Variants in CNOT1 observed in about 807,000 individuals in gnomAD.
CNOT1 encodes the protein CCR4-NOT transcription complex subunit 1, also known as CCR4-associated factor 1.
In CNOT1, 15 loss-of-function variants were observed where a neutral mutation model predicts 273.8. The ratio of observed to expected loss-of-function variants is 0.05; its 90% confidence interval spans 0.04 to 0.08. The LOEUF (loss-of-function observed/expected upper bound fraction) is 0.08. Among genes scored for constraint, CNOT1 ranks in the 10% least tolerant of loss-of-function variants. The probability of loss-of-function intolerance (pLI) is 1.00; values close to 1 mark genes in which losing one functional copy is unlikely to be tolerated. For synonymous variants in CNOT1, 1,022 were observed against 1,005.5 expected, an observed-to-expected ratio of 1.02 and a Z score of -0.31; for missense variants, 1,644 against 2,912.2, an observed-to-expected ratio of 0.56 and a Z score of 10.02.
intron 1 of CNOT1, among the ~76,000 whole-genome samples, chr16:58,604,841 A>C (rs1373320404): frequency 6.7e-6 from 1 of 150,238 alleles, no homozygotes; most frequent in Non-Finnish European, 1.5e-5. Flanking sequence ...AAAAAAAAAA[A>C]AAAACCACAC....
intron 1 of CNOT1, among the ~76,000 whole-genome samples, chr16:58,599,891 C>T (rs993063887): frequency 2.0e-5 from 3 of 151,970 alleles, no homozygotes; most frequent in Admixed American, 6.6e-5. Flanking sequence ...TGGTGAAACC[C>T]GTCTCTACTG....
intron 34 of CNOT1, among the ~76,000 whole-genome samples, chr16:58,541,067 T>C (rs984024145): frequency 3.9e-5 from 6 of 152,060 alleles, no homozygotes; most frequent in Non-Finnish European, 7.4e-5. Context: ...TAGCTGAGCA[T>C]GGTGGCACAC....
chr16:58,603,408 A>AGT (rs200088613), intron 1 of CNOT1, among the ~76,000 whole-genome samples: 2,687 of 96,518 alleles, frequency 0.028, 45 homozygotes, highest in Admixed American at 0.035. Context: ...ACAATTTAAA[A>AGT]GTGTGTGTGT....
chr16:58,626,145 C>T (rs865831992), intron 1 of CNOT1, among the ~76,000 whole-genome samples: 1 of 152,070 alleles, frequency 6.6e-6, no homozygotes, highest in Non-Finnish European at 1.5e-5. Flanking sequence ...CTATGGCTCA[C>T]GCCTGTAATC....
intron 16 of CNOT1, among the ~76,000 whole-genome samples, chr16:58,570,960 G>C (rs1044149483): frequency 6.6e-6 from 1 of 152,050 alleles, no homozygotes; most frequent in South Asian, 2.1e-4. Flanking sequence ...CAGCAAAAGA[G>C]CCCTATATTA....
intron 1 of CNOT1, among the ~76,000 whole-genome samples, chr16:58,609,866 T>A (rs1040208712): frequency 6.7e-6 from 1 of 150,198 alleles, no homozygotes; most frequent in African/African-American, 2.4e-5. Context: ...TCATATTATA[T>A]ATAATAATAC....
chr16:58,610,254 C>T (rs1054819101), intron 1 of CNOT1, among the ~76,000 whole-genome samples: 2 of 152,176 alleles, frequency 1.3e-5, no homozygotes, highest in African/African-American at 4.8e-5. Flanking sequence ...CCCATCTCTA[C>T]TAAAAATACA....
intron 19 of CNOT1, 70 bp from the exon 20 acceptor site, chr16:58,555,978 G>T: frequency 6.3e-7 from 1 of 1,585,782 alleles, no homozygotes; most frequent in South Asian, 1.1e-5. Context: ...AACACAGCCA[G>T]CCAGAGACTA....
chr16:58,565,390 C>A (rs921668603), intron 16 of CNOT1, among the ~76,000 whole-genome samples: 4 of 152,166 alleles, frequency 2.6e-5, no homozygotes, highest in African/African-American at 9.7e-5. Context: ...GCTGGAGTTA[C>A]AAGTGTAAGC....
chr16:58,529,054 A>C (rs2039690027), intron 43 of CNOT1, among the ~76,000 whole-genome samples: 1 of 152,142 alleles, frequency 6.6e-6, no homozygotes, highest in Non-Finnish European at 1.5e-5. Flanking sequence ...TATTAGAAAA[A>C]ATAAATTGAT....
intron 29 of CNOT1, among the ~76,000 whole-genome samples, chr16:58,546,071 G>C (rs1197287588): frequency 6.6e-6 from 1 of 151,948 alleles, no homozygotes; most frequent in Non-Finnish European, 1.5e-5. Flanking sequence ...GCCTAGCTGG[G>C]GTATGAGAGG....
rs184660345 is a variant in CNOT1 at position 58,523,548 on chromosome 16, A to T, written c.6785-46T>A. The T allele has an allele frequency of 1.4e-5, 22 of 1,593,814 alleles. No homozygotes were observed. In the South Asian group the frequency reaches 2.1e-4, roughly 15 times the overall value. On this transcript the variant is annotated intron_variant, in intron 46 of 48. Coordinates refer to ENST00000317147, the MANE Select transcript of CNOT1 (RefSeq NM_016284.5). Reference sequence around the variant, plus strand: ...ACTTAGGACTTAGTCTGAAAGGCCAACATGGGAAGACAGTTCTAACTGGCT... The same window carrying T: ...ACTTAGGACTTAGTCTGAAAGGCCATCATGGGAAGACAGTTCTAACTGGCT...
intron 1 of CNOT1, among the ~76,000 whole-genome samples, chr16:58,608,944 T>C (rs148423451): frequency 1.3e-5 from 2 of 152,234 alleles, no homozygotes; most frequent in East Asian, 1.9e-4. Context: ...AATGACACAA[T>C]AGACCTTGGG....
intron 1 of CNOT1, among the ~76,000 whole-genome samples, chr16:58,616,741 A>G (rs1425803802): frequency 6.6e-6 from 1 of 152,122 alleles, no homozygotes; most frequent in Non-Finnish European, 1.5e-5. Flanking sequence ...CATTTTTTTC[A>G]ATAATACAGT....
chr16:58,559,364 T>G (rs376072662), intron 17 of CNOT1, among the ~76,000 whole-genome samples: 1 of 152,176 alleles, frequency 6.6e-6, no homozygotes, highest in Admixed American at 6.5e-5. Flanking sequence ...TATTAATAAA[T>G]CCTCACAAAT....
At chr16:58,564,119 T>G (rs1333013990) in intron 16 of CNOT1, among the ~76,000 whole-genome samples, 1 of 152,142 alleles carries the variant, frequency 6.6e-6, no homozygotes, top group Non-Finnish European at 1.5e-5. Context: ...TCTTCTACAG[T>G]GAAGGATAGG....
At chr16:58,544,015 T>C in intron 30 of CNOT1, 112 bp from the exon 31 acceptor site, 1 of 1,440,666 alleles carries the variant, frequency 6.9e-7, no homozygotes, top group Non-Finnish European at 9.1e-7. Flanking sequence ...AAACTACCAG[T>C]TTCTACTTAA....
intron 8 of CNOT1, among the ~76,000 whole-genome samples, chr16:58,584,107 G>A (rs1250582893): frequency 6.7e-6 from 1 of 149,780 alleles, no homozygotes; most frequent in Non-Finnish European, 1.5e-5. Flanking sequence ...GGTGGAGGTT[G>A]CAGTGAGCTA....
At position 58,532,216 on chromosome 16, in the gene CNOT1, C is replaced by T. The variant is rs1202745362; in HGVS notation, c.6059+16G>A. ...TCCAGCAAACCTTAACACAAAATCG[C>T]AAACACAATACTCACCAGAAAGCTG... On this transcript the variant is annotated intron_variant, in intron 41 of 48. Transcript: ENST00000317147. 1 of 1,609,876 alleles carries T rather than the reference C, an allele frequency of 6.2e-7. No homozygotes were observed. The highest frequency in any genetic ancestry group is 1.1e-5 in the South Asian group (1 of 90,936).
Sources: gnomAD v4.1 joint callset for allele counts (sites outside exome capture counted in the v4.1 genomes callset) on GRCh38, gnomAD v4.1.1 for gene constraint, MANE v1.5 for transcripts, NCBI Gene and HGNC (gene_info 2026-07-23, HGNC 2026-07-21) for gene names.